The following AUTS2 variants were observed in gnomAD, a reference collection of about 807,000 sequenced individuals.
AUTS2 encodes the protein activator of transcription and developmental regulator AUTS2, also known as autism susceptibility gene 2 protein.
AUTS2 carries 17 observed loss-of-function variants against 112.4 expected under a neutral mutation model. That is an observed-to-expected ratio of 0.15 (90% CI 0.10 to 0.23). The LOEUF (loss-of-function observed/expected upper bound fraction) is 0.23, where lower values mean the gene tolerates loss of function less well. Ranked by LOEUF, AUTS2 falls within the 10% of genes least tolerant of loss-of-function variation. AUTS2 has a pLI of 1.00. For synonymous variants in AUTS2, 751 were observed against 702.7 expected (o/e 1.07, Z -1.09); for missense variants, 1,510 against 1,701.6 (o/e 0.89, Z 1.98).
chr7:70,404,110 G>T (rs777445894), intron 4 of AUTS2, among the ~76,000 whole-genome samples: 19 of 152,120 alleles, frequency 1.2e-4, no homozygotes, highest in Non-Finnish European at 2.1e-4. Flanking sequence ...CACTGTCTAA[G>T]ACTCGAGTGT....
chr7:70,119,910 A>AATCATCTTTTTTT (rs1805595404), intron 3 of AUTS2: 2 of 152,244 alleles, frequency 1.3e-5, no homozygotes, highest in Non-Finnish European at 2.9e-5. Context: ...TGATTCATTG[A>AATCATCTTTTTTT]GTTCCAGAAA....
In AUTS2 at chr7:70,503,860, A is replaced by G. The variant is rs140860647; in HGVS notation, c.690+68079A>G. Among the ~76,000 whole-genome samples the G allele has an allele frequency of 5.0e-3, 757 of 151,184 alleles. 7 individuals carry two copies. The highest frequency in any genetic ancestry group is 0.017 in the African/African-American group (707 of 41,394). ...AAATAAGGAAAAAAAAAAAAAGAAGAAAGAAAACCGGCCAAAATGCAGAGA... is the reference window on the plus strand; with the variant it reads ...AAATAAGGAAAAAAAAAAAAAGAAGGAAGAAAACCGGCCAAAATGCAGAGA... On this transcript the variant is annotated intron_variant, in intron 5 of 18. Coordinates refer to ENST00000342771, the MANE Select transcript of AUTS2 (RefSeq NM_015570.4).
chr7:70,649,250 C>T (rs1452157419), intron 5 of AUTS2, among the ~76,000 whole-genome samples: 2 of 148,644 alleles, frequency 1.3e-5, no homozygotes, highest in East Asian at 1.9e-4. Context: ...GCCTGGGCAA[C>T]ATCACGAAAC....
rs137973486 is a variant in AUTS2 at position 70,423,169 on chromosome 7, C to G, written c.661-12583C>G. Among the ~76,000 whole-genome samples the G allele has an allele frequency of 5.9e-5, 9 of 152,258 alleles. No homozygotes were observed. In the South Asian group the frequency reaches 8.3e-4, roughly 14 times the overall value. On this transcript the variant is annotated intron_variant, in intron 4 of 18. Transcript: ENST00000342771. ...CTGAAAGGGTGGTGGTCTGTTGGAT[C>G]CTTGAGTGCCTACTAAGTGCCAGGT...
chr7:70,410,398 TTTTA>T (rs10631565), intron 4 of AUTS2, among the ~76,000 whole-genome samples: 15,397 of 140,682 alleles, frequency 0.11, 912 homozygotes, highest in African/African-American at 0.16. Flanking sequence ...AGGGTTTGTC[TTTTA>T]TTTATTTATT....
At chr7:70,354,642 G>A (rs1020663267) in intron 4 of AUTS2, among the ~76,000 whole-genome samples, 2 of 152,150 alleles carry the variant, frequency 1.3e-5, no homozygotes, top group African/African-American at 4.8e-5. Flanking sequence ...GAGCTGCACT[G>A]TCCCAGGCAG....
At chr7:69,965,541 G>A (rs186260800) in intron 2 of AUTS2, among the ~76,000 whole-genome samples, 1 of 152,252 alleles carries the variant, frequency 6.6e-6, no homozygotes, top group Admixed American at 6.5e-5. Context: ...CCCAGACTTA[G>A]GGTTGAGGAT....
At chr7:69,610,825 G>A (rs956816255) in intron 1 of AUTS2, among the ~76,000 whole-genome samples, 11 of 152,110 alleles carry the variant, frequency 7.2e-5, no homozygotes, top group Non-Finnish European at 1.0e-4. Flanking sequence ...TGATTGTATC[G>A]AGACACCCTA....
chr7:70,213,861 C>A (rs539820423), intron 4 of AUTS2, among the ~76,000 whole-genome samples: 35 of 152,244 alleles, frequency 2.3e-4, no homozygotes, highest in African/African-American at 8.2e-4. Flanking sequence ...ATATTATAAC[C>A]TCCCTAAAGT....
chr7:69,908,722 CTCATACATCTTGAAA>C (rs1287416963), intron 2 of AUTS2, among the ~76,000 whole-genome samples: 4 of 152,212 alleles, frequency 2.6e-5, no homozygotes, highest in African/African-American at 9.7e-5. Flanking sequence ...GAAGTGTTTG[CTCATACATCTTGAAA>C]TCATGTATTA....
intron 4 of AUTS2, among the ~76,000 whole-genome samples, chr7:70,241,020 G>A (rs968719216): frequency 2.0e-5 from 3 of 152,138 alleles, no homozygotes; most frequent in African/African-American, 7.2e-5. Context: ...CCAAGTGCTG[G>A]AGAATCCATG....
At chr7:70,607,743 A>G (rs1045010750) in intron 5 of AUTS2, among the ~76,000 whole-genome samples, 3 of 152,218 alleles carry the variant, frequency 2.0e-5, no homozygotes, top group Non-Finnish European at 4.4e-5. Context: ...TGGTACACAC[A>G]AAAAAAGAAC....
chr7:70,750,981 A>G (rs980248250), intron 6 of AUTS2, among the ~76,000 whole-genome samples: 4 of 152,236 alleles, frequency 2.6e-5, no homozygotes, highest in African/African-American at 4.8e-5. Context: ...TAATGGGCAC[A>G]CTGACTTTTT....
intron 1 of AUTS2, among the ~76,000 whole-genome samples, chr7:69,844,152 C>T (rs1486905505): frequency 1.3e-5 from 2 of 152,040 alleles, no homozygotes; most frequent in African/African-American, 4.8e-5. Flanking sequence ...TCTGCTATTC[C>T]ACTTAATGGG....
intron 1 of AUTS2, among the ~76,000 whole-genome samples, chr7:69,669,709 C>T (rs1230160643): frequency 6.6e-6 from 1 of 151,670 alleles, no homozygotes; most frequent in Non-Finnish European, 1.5e-5. Context: ...TTTTTCCCCT[C>T]AAAGAAAATT....
intron 1 of AUTS2, among the ~76,000 whole-genome samples, chr7:69,756,177 C>T (rs11979745): frequency 0.099 from 15,131 of 152,112 alleles, 1,199 homozygotes; most frequent in African/African-American, 0.22. Context: ...ATGCCAAATA[C>T]GGTGGAGAAG....
At chr7:69,865,640 A>G (rs1019604791) in intron 1 of AUTS2, among the ~76,000 whole-genome samples, 5 of 152,108 alleles carry the variant, frequency 3.3e-5, no homozygotes, top group African/African-American at 1.2e-4. Context: ...CTTTTGCTTT[A>G]TCCATATCTT....
chr7:70,046,952 A>G (rs1414966750), intron 2 of AUTS2, among the ~76,000 whole-genome samples: 5 of 152,220 alleles, frequency 3.3e-5, no homozygotes, highest in Non-Finnish European at 2.9e-5. Flanking sequence ...TGTTCTTAAT[A>G]GGGCTAGATA....
At chr7:70,516,389 C>T (rs1376099708) in intron 5 of AUTS2, among the ~76,000 whole-genome samples, 2 of 152,178 alleles carry the variant, frequency 1.3e-5, no homozygotes, top group Non-Finnish European at 2.9e-5. Context: ...AAGCCTGAAG[C>T]ACCCTCTTTT....
Sources: allele counts gnomAD v4.1 joint callset (sites outside exome capture counted in the v4.1 genomes callset), GRCh38; gene constraint gnomAD v4.1.1; transcripts MANE v1.5; gene names NCBI Gene and HGNC (gene_info 2026-07-23, HGNC 2026-07-21).